ABCA6: variants seen among roughly 807,000 people sequenced by gnomAD.
The protein encoded by ABCA6 is ATP binding cassette subfamily A member 6.
In ABCA6, 164 loss-of-function variants were observed where a neutral mutation model predicts 191.2. The ratio of observed to expected loss-of-function variants is 0.86; its 90% confidence interval spans 0.76 to 0.98. The LOEUF is 0.98. Among genes scored for constraint, ABCA6 ranks in the 50% least tolerant of loss-of-function variants. The pLI is 0.00. For synonymous variants in ABCA6, 636 were observed against 647.7 expected, an observed-to-expected ratio of 0.98 and a Z score of 0.27; for missense variants, 1,958 against 1,894.1, an observed-to-expected ratio of 1.03 and a Z score of -0.63.
chr17:69,087,276 A>G (rs2072821390), intron 29 of ABCA6, 77 bp downstream of exon 29: 1 of 1,556,690 alleles, frequency 6.4e-7, no homozygotes, highest in African/African-American at 1.4e-5. Context: ...TCAAAATGAA[A>G]CCCAGTGTAT....
Position 69,137,290 on chromosome 17 carries a change from AC to A in ABCA6, c.301+5del, listed in dbSNP as rs1568038849. The A allele has an allele frequency of 1.9e-6, 3 of 1,611,168 alleles. No homozygotes were observed. In the East Asian group the frequency reaches 6.7e-5, roughly 36 times the overall value. ...GTAACTCTTTTTTTGCCATGAGTAC[AC>A]CTACCTTTCAAAAGAGGAGCAAGTG... On this transcript the variant is annotated splice_donor_5th_base_variant and intron_variant, in intron 3 of 38. Transcript: ENST00000284425.
rs527442127 is a variant in ABCA6 at position 69,079,029 on chromosome 17, C to T, written c.4798G>A (p.Glu1600Lys). The T allele has an allele frequency of 6.2e-7, 1 of 1,612,636 alleles. No individual in the cohort carries two copies. Among genetic ancestry groups the T allele is most frequent in the African/African-American group, 1.3e-5 (1 of 74,970 alleles). ...CATCTCATTGTTGTATCAATTTCTT[C>T]ATCAAAATTTCCTACTTCCTGTTCT... ...SKEQEVGNFD[E>K]EIDTTMRWKL... The change falls in exon 39 of 39, where the codon GAA (glutamate) becomes AAA (lysine). Residue 1600 changes from glutamate to lysine, a missense_variant. By Grantham distance (56) the Glu-to-Lys change is moderately conservative (BLOSUM62 1). Transcript: ENST00000284425.
At chr17:69,136,368 C>G in intron 3 of ABCA6, 118 bp from the exon 4 acceptor site, 1 of 876,316 alleles carries the variant, frequency 1.1e-6, no homozygotes, top group East Asian at 3.0e-5. Context: ...AATCATTTTC[C>G]ATTTAAATCA....
At chr17:69,137,036 AT>A (rs1441035728) in intron 3 of ABCA6, among the ~76,000 whole-genome samples, 2 of 152,188 alleles carry the variant, frequency 1.3e-5, no homozygotes, top group African/African-American at 4.8e-5. Context: ...TATCCTGCAA[AT>A]CTAAAAGTAT....
chr17:69,089,974 T>A (rs2072889429), intron 26 of ABCA6, among the ~76,000 whole-genome samples: 1 of 152,196 alleles, frequency 6.6e-6, no homozygotes, highest in Non-Finnish European at 1.5e-5. Flanking sequence ...CAATGGTGAC[T>A]ATTTTCCCAT....
intron 20 of ABCA6, chr17:69,104,667 A>G (rs933086967): frequency 2.0e-5 from 3 of 150,730 alleles, no homozygotes; most frequent in Admixed American, 1.3e-4. Context: ...AAAAAAACAA[A>G]AAAACAAAAA....
chr17:69,088,223 T>C lies in ABCA6; in HGVS notation c.3642A>G (p.Leu1214=). The C allele has an allele frequency of 1.9e-6, 3 of 1,612,554 alleles. No homozygotes were observed. Among genetic ancestry groups the C allele is most frequent in the Non-Finnish European group, 2.5e-6 (3 of 1,179,248 alleles). The change falls in exon 28 of 39, where the codon CTA becomes CTG. Residue 1214 remains leucine (L), a synonymous_variant. Coordinates refer to ENST00000284425, the MANE Select transcript of ABCA6 (RefSeq NM_080284.3). The part of the protein sequence containing the change: ...YFQTLLFVFV[L]RCMELKCGKK... ...TTCCACATTTTAGTTCCATGCATCTTAGAACAAAAACGAATAGCAAAGTCT... is the reference window on the plus strand; with the variant it reads ...TTCCACATTTTAGTTCCATGCATCTCAGAACAAAAACGAATAGCAAAGTCT...
At chr17:69,085,218 C>T in intron 31 of ABCA6, 36 bp from the exon 32 acceptor site, 1 of 1,569,168 alleles carries the variant, frequency 6.4e-7, no homozygotes, top group South Asian at 1.2e-5. Context: ...AGGCATGCAG[C>T]CTTTATTCCA....
intron 7 of ABCA6, 60 bp downstream of exon 7, chr17:69,129,550 A>ACTTAGCTAC (rs2073821729): frequency 2.2e-6 from 3 of 1,382,270 alleles, no homozygotes; most frequent in Non-Finnish European, 3.0e-6. Flanking sequence ...GGGCATTAAT[A>ACTTAGCTAC]TTAGCTACAT....
chr17:69,124,434 A>T (rs1421610194), intron 9 of ABCA6, among the ~76,000 whole-genome samples: 2 of 151,984 alleles, frequency 1.3e-5, no homozygotes, highest in African/African-American at 4.8e-5. Context: ...ATACTTCTGT[A>T]AATATGAACA....
intron 23 of ABCA6, 99 bp from the exon 24 acceptor site, chr17:69,096,900 A>G: frequency 1.9e-6 from 2 of 1,031,688 alleles, no homozygotes; most frequent in South Asian, 4.2e-5. Context: ...TTTAAGATAA[A>G]TATAATCTAA....
chr17:69,083,611 A>G (rs771685868), intron 34 of ABCA6, among the ~76,000 whole-genome samples: 1 of 152,170 alleles, frequency 6.6e-6, no homozygotes, highest in Non-Finnish European at 1.5e-5. Context: ...GAGGGTGGAG[A>G]AAGGAAGTGG....
intron 8 of ABCA6, among the ~76,000 whole-genome samples, chr17:69,127,322 C>CT (rs1453939247): frequency 1.3e-5 from 2 of 152,052 alleles, no homozygotes; most frequent in Non-Finnish European, 2.9e-5. Context: ...TTATGTATCT[C>CT]TGTTCATCAC....
chr17:69,089,982 C>T (rs370918209), intron 26 of ABCA6, among the ~76,000 whole-genome samples: 1 of 152,126 alleles, frequency 6.6e-6, no homozygotes, highest in East Asian at 1.9e-4. Context: ...ACTATTTTCC[C>T]ATAATGATAA....
chr17:69,123,924 A>T (rs1006385391), intron 9 of ABCA6, among the ~76,000 whole-genome samples: 5 of 152,070 alleles, frequency 3.3e-5, no homozygotes, highest in African/African-American at 1.2e-4. Context: ...AATTTTTTTA[A>T]AATGTGATCT....
At chr17:69,120,373 C>T (rs908160269) in intron 10 of ABCA6, among the ~76,000 whole-genome samples, 4 of 151,984 alleles carry the variant, frequency 2.6e-5, no homozygotes, top group South Asian at 2.1e-4. Flanking sequence ...ACGTTCTCTT[C>T]GATTTCCCTA....
rs568887952 is a variant in ABCA6 at position 69,105,146 on chromosome 17, A to G, written c.2740+316T>C. 23 of 277,542 alleles carry G rather than the reference A, an allele frequency of 8.3e-5. No homozygotes were observed. In the South Asian group the frequency reaches 1.3e-3, roughly 16 times the overall value. 17.2% of individuals were successfully genotyped at this position (277,542 alleles called of 1,614,324 possible). On this transcript the variant is annotated intron_variant, in intron 20 of 38. Coordinates refer to ENST00000284425, the MANE Select transcript of ABCA6 (RefSeq NM_080284.3). ...GTATAGGTTAGGCTGCTGTGTAACA[A>G]AGGGATCTCAAAATAGAACGGGTGT...
At chr17:69,128,909 T>C in intron 7 of ABCA6, 105 bp from the exon 8 acceptor site, 1 of 872,654 alleles carries the variant, frequency 1.1e-6, no homozygotes, top group Non-Finnish European at 1.7e-6. Flanking sequence ...ACATAAATAT[T>C]TATCAGTGAG....
chr17:69,110,872 G>T lies in ABCA6; in HGVS notation c.2201C>A (p.Ala734Asp). The change falls in exon 17 of 39, where the codon GCT becomes GAT. Residue 734 changes from alanine to aspartate, a missense_variant. Ala to Asp is a moderately radical substitution (Grantham distance 126). Transcript: ENST00000284425. Reference sequence around the variant, plus strand: ...TTCTTTGTTTTCTGTTTTTAATTTAGCATCGGGGATGTGATGAGTAATGAA... The same window carrying T: ...TTCTTTGTTTTCTGTTTTTAATTTATCATCGGGGATGTGATGAGTAATGAA... ...TSFITHHIPD[A>D]KLKTENKEKL... The T allele has an allele frequency of 6.2e-7, 1 of 1,611,862 alleles. No homozygotes were observed. Among genetic ancestry groups the T allele is most frequent in the Non-Finnish European group, 8.5e-7 (1 of 1,178,910 alleles).
Sources: gnomAD v4.1 joint callset for allele counts (sites outside exome capture counted in the v4.1 genomes callset) on GRCh38, gnomAD v4.1.1 for gene constraint, MANE v1.5 for transcripts, NCBI Gene and HGNC (gene_info 2026-07-23, HGNC 2026-07-21) for gene names.